The following SYNDIG1 variants were observed in gnomAD, a reference collection of about 807,000 sequenced individuals.
SYNDIG1 encodes synapse differentiation-inducing gene protein 1.
Under a neutral mutation model 19.4 loss-of-function variants are expected in SYNDIG1, and 9 were observed. That is an observed-to-expected ratio of 0.46 (90% confidence interval 0.28 to 0.81). The LOEUF is 0.81. SYNDIG1 is among the 30% of genes least tolerant of loss of function. The pLI is 0.12. For missense variants in SYNDIG1, 311 were observed against 343.3 expected, an observed-to-expected ratio of 0.91 and a Z score of 0.74; for synonymous variants, 141 against 145.9, an observed-to-expected ratio of 0.97 and a Z score of 0.24.
At chr20:24,475,179 G>T (rs2055583020) in intron 1 of SYNDIG1, among the ~76,000 whole-genome samples, 1 of 152,192 alleles carries the variant, frequency 6.6e-6, no homozygotes, top group Non-Finnish European at 1.5e-5. Flanking sequence ...AGATGCAGGA[G>T]TTTATTCCTG....
intron 1 of SYNDIG1, among the ~76,000 whole-genome samples, chr20:24,494,587 G>A (rs879852471): frequency 1.3e-5 from 2 of 152,218 alleles, no homozygotes; most frequent in Admixed American, 6.5e-5. Flanking sequence ...CGAGGGATGA[G>A]GAGGAACAGG....
At chr20:24,592,131 G>A (rs987279242) in intron 3 of SYNDIG1, among the ~76,000 whole-genome samples, 1 of 152,170 alleles carries the variant, frequency 6.6e-6, no homozygotes, top group African/African-American at 2.4e-5. Flanking sequence ...TGAATTTAAT[G>A]TTCTGTAGCA....
intron 3 of SYNDIG1, among the ~76,000 whole-genome samples, chr20:24,645,153 A>G (rs1054656431): frequency 6.6e-6 from 1 of 152,222 alleles, no homozygotes; most frequent in Non-Finnish European, 1.5e-5. Context: ...CTGCAGCCAA[A>G]TGAATGATGT....
intron 3 of SYNDIG1, among the ~76,000 whole-genome samples, chr20:24,618,994 T>C (rs2058995407): frequency 6.6e-6 from 1 of 152,190 alleles, no homozygotes; most frequent in Non-Finnish European, 1.5e-5. Flanking sequence ...TTCTTCCAGG[T>C]ATGGCCTCTG....
chr20:24,558,147 G>A (rs189323180), intron 2 of SYNDIG1, among the ~76,000 whole-genome samples: 63 of 152,220 alleles, frequency 4.1e-4, no homozygotes, highest in Non-Finnish European at 5.9e-4. Context: ...GGTGAGTTTC[G>A]GTTCTTCACT....
chr20:24,577,135 G>C (rs974038706), intron 2 of SYNDIG1, among the ~76,000 whole-genome samples: 2 of 152,162 alleles, frequency 1.3e-5, no homozygotes, highest in African/African-American at 4.8e-5. Context: ...GGGTTTCCTA[G>C]GACTCTGCAC....
chr20:24,656,963 A>G (rs191577490), intron 3 of SYNDIG1, among the ~76,000 whole-genome samples: 59 of 152,308 alleles, frequency 3.9e-4, no homozygotes, highest in African/African-American at 8.9e-4. Context: ...CTGGTTGAGT[A>G]AAAGTGTGTG....
At chr20:24,633,665 C>T (rs2059281615) in intron 3 of SYNDIG1, among the ~76,000 whole-genome samples, 2 of 152,134 alleles carry the variant, frequency 1.3e-5, no homozygotes, top group African/African-American at 2.4e-5. Context: ...GTTTTAGGAT[C>T]GTGAAGTCTC....
intron 1 of SYNDIG1, among the ~76,000 whole-genome samples, chr20:24,506,768 T>G (rs562132061): frequency 6.6e-6 from 1 of 152,224 alleles, no homozygotes; most frequent in Admixed American, 6.5e-5. Context: ...CAAGCCGTGT[T>G]ATTGTGGTCC....
intron 2 of SYNDIG1, among the ~76,000 whole-genome samples, chr20:24,556,348 A>G: frequency 6.6e-6 from 1 of 152,140 alleles, no homozygotes; most frequent in African/African-American, 2.4e-5. Context: ...TCCTGTCATT[A>G]TGATGTTAGC....
At chr20:24,556,714 C>G (rs939848356) in intron 2 of SYNDIG1, among the ~76,000 whole-genome samples, 1 of 152,176 alleles carries the variant, frequency 6.6e-6, no homozygotes, top group Non-Finnish European at 1.5e-5. Flanking sequence ...GGTAACCCGA[C>G]GTTTCTCTCT....
chr20:24,618,278 G>A (rs934895390), intron 3 of SYNDIG1, among the ~76,000 whole-genome samples: 5 of 148,500 alleles, frequency 3.4e-5, no homozygotes, highest in Non-Finnish European at 7.5e-5. Context: ...CCGGAAGGGG[G>A]GTCCTGAGGG....
chr20:24,571,424 T>A (rs1307150194), intron 2 of SYNDIG1, among the ~76,000 whole-genome samples: 1 of 152,214 alleles, frequency 6.6e-6, no homozygotes, highest in Non-Finnish European at 1.5e-5. Context: ...CTACAGGAAC[T>A]CTGTTCTATT....
intron 3 of SYNDIG1, among the ~76,000 whole-genome samples, chr20:24,595,275 G>A (rs1339609522): frequency 6.6e-6 from 1 of 152,120 alleles, no homozygotes; most frequent in African/African-American, 2.4e-5. Flanking sequence ...TGATCTTATG[G>A]TTTTTGTTTT....
At chr20:24,482,169 A>G (rs534058993) in intron 1 of SYNDIG1, among the ~76,000 whole-genome samples, 13 of 152,308 alleles carry the variant, frequency 8.5e-5, no homozygotes, top group South Asian at 8.3e-4. Flanking sequence ...ATGGAAAAAC[A>G]TATGTGCATT....
At chr20:24,583,296 C>G (rs1359495244) in intron 2 of SYNDIG1, among the ~76,000 whole-genome samples, 1 of 152,230 alleles carries the variant, frequency 6.6e-6, no homozygotes, top group African/African-American at 2.4e-5. Flanking sequence ...CCCACCTGCA[C>G]TTTTGTCTGG....
At chr20:24,639,932 A>C (rs774128497) in intron 3 of SYNDIG1, among the ~76,000 whole-genome samples, 12 of 152,356 alleles carry the variant, frequency 7.9e-5, no homozygotes, top group Non-Finnish European at 1.5e-4. Context: ...AACTATTCAC[A>C]AATAAATTTT....
chr20:24,551,626 C>T (rs2057708337), intron 2 of SYNDIG1, among the ~76,000 whole-genome samples: 2 of 151,920 alleles, frequency 1.3e-5, no homozygotes, highest in South Asian at 4.1e-4. Context: ...ATATTCAAGG[C>T]TATCACTTTC....
rs113197148 is a variant in SYNDIG1 at position 24,527,846 on chromosome 20, G to A, written c.-78-15174G>A. On this transcript the variant is annotated intron_variant, in intron 1 of 3. Transcript: ENST00000376862. ...TCCACCCTGAGTAAGGAACTCTGTA[G>A]CCTGGCAACCTGGGGCTTAACATGC... is the stretch of plus-strand genomic sequence containing the variant. 1.2e-3 allele frequency among the ~76,000 whole-genome samples: 182 copies of A among 152,288 alleles called. 3 individuals carry two copies. Among genetic ancestry groups the A allele is most frequent in the African/African-American group, 4.1e-3 (169 of 41,550 alleles).
Sources: allele counts gnomAD v4.1 joint callset (sites outside exome capture counted in the v4.1 genomes callset), GRCh38; gene constraint gnomAD v4.1.1; transcripts MANE v1.5; gene names NCBI Gene and HGNC (gene_info 2026-07-23, HGNC 2026-07-21).